The following NKAIN3 variants were observed in gnomAD, a reference collection of about 807,000 sequenced individuals.
NKAIN3 encodes the protein sodium/potassium transporting ATPase interacting 3.
A neutral mutation model predicts 30.2 loss-of-function variants in NKAIN3; 25 were observed. The observed-to-expected ratio is 0.83, with a 90% confidence interval of 0.60 to 1.16. The LOEUF (loss-of-function observed/expected upper bound fraction) is 1.16. Ranked by LOEUF, NKAIN3 falls within the 50% of genes most tolerant of loss-of-function variation. The pLI, the probability that NKAIN3 is intolerant of heterozygous loss-of-function variation, is 0.00. For synonymous variants in NKAIN3, 91 were observed against 89.6 expected, an observed-to-expected ratio of 1.02 and a Z score of -0.09; for missense variants, 225 against 254.1, an observed-to-expected ratio of 0.89 and a Z score of 0.78.
At chr8:62,497,478 T>C (rs937543374) in intron 1 of NKAIN3, among the ~76,000 whole-genome samples, 9 of 151,948 alleles carry the variant, frequency 5.9e-5, no homozygotes, top group Admixed American at 4.6e-4. Context: ...GAGGCGTTTA[T>C]AGCATTGAAA....
intron 1 of NKAIN3, among the ~76,000 whole-genome samples, chr8:62,380,124 C>T (rs1172619687): frequency 1.3e-5 from 2 of 152,184 alleles, no homozygotes; most frequent in South Asian, 2.1e-4. Flanking sequence ...ACATTGTTAA[C>T]ATGTATTTGT....
intron 4 of NKAIN3, among the ~76,000 whole-genome samples, chr8:62,792,740 G>C (rs1032335190): frequency 6.6e-6 from 1 of 152,052 alleles, no homozygotes; most frequent in Non-Finnish European, 1.5e-5. Context: ...AATAAGTCTT[G>C]AAAGATGAAT....
intron 1 of NKAIN3, among the ~76,000 whole-genome samples, chr8:62,468,820 C>A (rs1806238762): frequency 6.6e-6 from 1 of 152,130 alleles, no homozygotes; most frequent in South Asian, 2.1e-4. Context: ...CTGGCATCAT[C>A]AGAATGAATT....
At chr8:62,324,637 C>T (rs1278053838) in intron 1 of NKAIN3, among the ~76,000 whole-genome samples, 2 of 152,030 alleles carry the variant, frequency 1.3e-5, no homozygotes, top group Non-Finnish European at 2.9e-5. Flanking sequence ...TTTTGAAATT[C>T]CCTTAAGTTA....
At chr8:62,800,386 TAAGACCA>T (rs1027670302) in intron 4 of NKAIN3, among the ~76,000 whole-genome samples, 1 of 152,090 alleles carries the variant, frequency 6.6e-6, no homozygotes, top group African/African-American at 2.4e-5. Flanking sequence ...GACTCTGGAG[TAAGACCA>T]AAGACCAAGT....
chr8:62,897,031 T>C (rs1343660992), intron 4 of NKAIN3, among the ~76,000 whole-genome samples: 1 of 71,750 alleles, frequency 1.4e-5, no homozygotes, highest in Non-Finnish European at 2.4e-5. Flanking sequence ...AAGGGAGAAC[T>C]ACACATTTTT....
chr8:62,446,953 T>C (rs531694420), intron 1 of NKAIN3, among the ~76,000 whole-genome samples: 140 of 152,224 alleles, frequency 9.2e-4, no homozygotes, highest in Non-Finnish European at 1.7e-3. Context: ...TATCTATATA[T>C]GATTTGAGTA....
Position 62,697,198 on chromosome 8 carries a change from C to T in NKAIN3, c.274-49734C>T, listed in dbSNP as rs11996098. Among the ~76,000 whole-genome samples the T allele has an allele frequency of 9.1e-3, 1,381 of 152,248 alleles. 22 individuals are homozygous for T. The highest frequency in any genetic ancestry group is 0.031 in the African/African-American group (1,290 of 41,530). On this transcript the variant is annotated intron_variant, in intron 3 of 6. Coordinates refer to ENST00000623646, the MANE Select transcript of NKAIN3 (RefSeq NM_001304533.3). The stretch of plus-strand genomic sequence containing the variant: ...GGAAGAGCCAAGTCTTTTCAACAGC[C>T]AACAGAGCCCTACATGATCTACAGA...
rs1003061405 is a variant in NKAIN3 at position 62,821,061 on chromosome 8, T to C, written c.471+73932T>C. 2.0e-5 allele frequency among the ~76,000 whole-genome samples: 3 copies of C among 152,176 alleles called. No homozygotes were observed. In the East Asian group the frequency reaches 5.8e-4, roughly 29 times the overall value. On this transcript the variant is annotated intron_variant, in intron 4 of 6. Transcript: ENST00000623646. ...TCAAAGCCTTTGCATCTTATAACAATGAGCTGCAGGGTTTTAGCTCTTGGT... is the reference window on the plus strand; with the variant it reads ...TCAAAGCCTTTGCATCTTATAACAACGAGCTGCAGGGTTTTAGCTCTTGGT...
intron 3 of NKAIN3, among the ~76,000 whole-genome samples, chr8:62,726,135 G>A (rs1815249043): frequency 1.3e-5 from 2 of 152,006 alleles, no homozygotes; most frequent in East Asian, 1.9e-4. Context: ...TTCTTTTTCA[G>A]TTTATTTGCT....
At chr8:62,652,329 A>G (rs1812647021) in intron 3 of NKAIN3, among the ~76,000 whole-genome samples, 1 of 152,194 alleles carries the variant, frequency 6.6e-6, no homozygotes, top group African/African-American at 2.4e-5. Context: ...TAATATTAGA[A>G]TAATCATTCA....
intron 1 of NKAIN3, among the ~76,000 whole-genome samples, chr8:62,463,870 G>C (rs1806073003): frequency 6.6e-6 from 1 of 152,090 alleles, no homozygotes; most frequent in South Asian, 2.1e-4. Context: ...TATAAATATT[G>C]TCTCTATGAA....
intron 1 of NKAIN3, among the ~76,000 whole-genome samples, chr8:62,422,072 A>T (rs753573661): frequency 6.6e-6 from 1 of 152,162 alleles, no homozygotes; most frequent in African/African-American, 2.4e-5. Flanking sequence ...TAATATTCTC[A>T]TTCAAGTCTC....
At chr8:62,662,008 T>C (rs768063148) in intron 3 of NKAIN3, among the ~76,000 whole-genome samples, 4 of 152,110 alleles carry the variant, frequency 2.6e-5, no homozygotes, top group African/African-American at 7.2e-5. Context: ...CCCACCAAGG[T>C]CACTATGTGA....
intron 1 of NKAIN3, among the ~76,000 whole-genome samples, chr8:62,557,766 C>A (rs1038382444): frequency 1.3e-5 from 2 of 151,876 alleles, no homozygotes; most frequent in African/African-American, 4.8e-5. Context: ...TTGTTTATGT[C>A]TTGCTATTTT....
intron 4 of NKAIN3, among the ~76,000 whole-genome samples, chr8:62,842,893 C>T (rs577255877): frequency 3.3e-5 from 5 of 151,998 alleles, no homozygotes; most frequent in Admixed American, 6.6e-5. Flanking sequence ...AGCTGTAAAA[C>T]TACTAGAAGA....
At chr8:62,864,845 C>T (rs942963081) in intron 4 of NKAIN3, among the ~76,000 whole-genome samples, 6 of 152,142 alleles carry the variant, frequency 3.9e-5, no homozygotes, top group African/African-American at 1.2e-4. Flanking sequence ...AAACACTTCA[C>T]GGAAGACATC....
intron 4 of NKAIN3, among the ~76,000 whole-genome samples, chr8:62,760,014 C>A (rs910658572): frequency 2.6e-5 from 4 of 151,836 alleles, no homozygotes; most frequent in Non-Finnish European, 5.9e-5. Context: ...AGCCAATAGA[C>A]ACATGAAAGA....
chr8:62,864,738 C>G (rs1489638347), intron 4 of NKAIN3, among the ~76,000 whole-genome samples: 1 of 152,024 alleles, frequency 6.6e-6, no homozygotes, highest in Non-Finnish European at 1.5e-5. Flanking sequence ...AAGCAAAAAC[C>G]CGGGAGGCTG....
Sources: gnomAD v4.1 joint callset for allele counts (sites outside exome capture counted in the v4.1 genomes callset) on GRCh38, gnomAD v4.1.1 for gene constraint, MANE v1.5 for transcripts, NCBI Gene and HGNC (gene_info 2026-07-23, HGNC 2026-07-21) for gene names.